COL14A1: variants seen among roughly 807,000 people sequenced by gnomAD.
The protein encoded by COL14A1 is collagen alpha-1(XIV) chain.
COL14A1 carries 136 observed loss-of-function variants against 230.3 expected under a neutral mutation model. The observed-to-expected ratio is 0.59, with a 90% CI of 0.51 to 0.68. The LOEUF is 0.68. Ranked by LOEUF, COL14A1 falls within the 30% of genes least tolerant of loss-of-function variation. COL14A1 has a pLI of 0.00. For synonymous variants in COL14A1, 792 were observed against 784.1 expected, an observed-to-expected ratio of 1.01 and a Z score of -0.17; for missense variants, 1,976 against 2,215.8, an observed-to-expected ratio of 0.89 and a Z score of 2.17.
At chr8:120,343,529 A>G (rs1822388286) in intron 44 of COL14A1, among the ~76,000 whole-genome samples, 2 of 152,232 alleles carry the variant, frequency 1.3e-5, no homozygotes, top group Non-Finnish European at 2.9e-5. Context: ...CATGGAGTTG[A>G]GATCTGCACA....
chr8:120,291,180 C>A (rs1820363274), intron 34 of COL14A1, among the ~76,000 whole-genome samples: 1 of 152,098 alleles, frequency 6.6e-6, no homozygotes, highest in Non-Finnish European at 1.5e-5. Flanking sequence ...TATAAAAACA[C>A]AGAATTATCA....
chr8:120,232,705 G>T (rs569241933), intron 19 of COL14A1, among the ~76,000 whole-genome samples: 18 of 152,322 alleles, frequency 1.2e-4, no homozygotes, highest in Admixed American at 9.8e-4. Context: ...CTTTGCTATT[G>T]TGAGTAGTGC....
chr8:120,242,276 C>A (rs1818627849), intron 19 of COL14A1, among the ~76,000 whole-genome samples: 1 of 152,210 alleles, frequency 6.6e-6, no homozygotes, highest in South Asian at 2.1e-4. Flanking sequence ...CAGCACCTGG[C>A]ACATAGTAAT....
At chr8:120,318,456 A>G (rs1450279640) in intron 40 of COL14A1, among the ~76,000 whole-genome samples, 1 of 152,144 alleles carries the variant, frequency 6.6e-6, no homozygotes, top group Non-Finnish European at 1.5e-5. Context: ...GGTGGCTCTG[A>G]TCTGTTCAGT....
Position 120,249,240 on chromosome 8 carries a change from A to G in COL14A1, c.2603-1377A>G, listed in dbSNP as rs946898208. On this transcript the variant is annotated intron_variant, in intron 21 of 47. Coordinates refer to ENST00000297848, the MANE Select transcript of COL14A1 (RefSeq NM_021110.4). ...GCCTAGTTTCAATCTTTCATCTGAG[A>G]TATGGTTCTCGCCCCATATCAATTT... Among the ~76,000 whole-genome samples the G allele has an allele frequency of 4.6e-5, 7 of 151,738 alleles. No individual in the cohort carries two copies. The East Asian group carries it at 1.2e-3, about 25-fold the overall frequency.
At chr8:120,362,237 C>A (rs1204167749) in intron 45 of COL14A1, among the ~76,000 whole-genome samples, 1 of 152,154 alleles carries the variant, frequency 6.6e-6, no homozygotes, top group Non-Finnish European at 1.5e-5. Flanking sequence ...AAGTGAGTTA[C>A]CCTCTCAGGA....
At chr8:120,231,001 G>A (rs763974564) in intron 18 of COL14A1, among the ~76,000 whole-genome samples, 1 of 152,188 alleles carries the variant, frequency 6.6e-6, no homozygotes, top group Non-Finnish European at 1.5e-5. Flanking sequence ...TGCTTTGAAT[G>A]ACAGGTGTTA....
intron 4 of COL14A1, among the ~76,000 whole-genome samples, chr8:120,163,911 G>A (rs1481670242): frequency 6.6e-6 from 1 of 151,770 alleles, no homozygotes; most frequent in Non-Finnish European, 1.5e-5. Context: ...CTAGGCACTT[G>A]GGCACATGAC....
At chr8:120,173,587 C>CTATCTATCTATCTATCTATCTATCT (rs1554601696) in intron 5 of COL14A1, among the ~76,000 whole-genome samples, 2 of 148,986 alleles carry the variant, frequency 1.3e-5, no homozygotes, top group Admixed American at 1.3e-4. Context: ...ATCTATCTAT[C>CTATCTATCTATCTATCTATCTATCT]ATTTATCATC....
At chr8:120,297,437 T>C in intron 34 of COL14A1, 74 bp from the exon 35 acceptor site, 1 of 730,566 alleles carries the variant, frequency 1.4e-6, no homozygotes, top group African/African-American at 1.9e-5. Flanking sequence ...TGTTATATAA[T>C]ACATAACATA....
At chr8:120,132,916 C>T (rs558862676) in intron 1 of COL14A1, among the ~76,000 whole-genome samples, 2 of 151,906 alleles carry the variant, frequency 1.3e-5, no homozygotes, top group African/African-American at 4.8e-5. Flanking sequence ...ATAAAAATAC[C>T]GTGCTATTAT....
rs1409698337 is a variant in COL14A1, at chr8:120,227,129, T to G, written c.2005-91T>G. 2.8e-6 allele frequency: 4 copies of G among 1,435,736 alleles called. No individual in the cohort carries two copies. The African/African-American group carries it at 5.7e-5, about 20-fold the overall frequency. The allele number at this position is 1,435,736 out of a possible 1,614,324, so 88.9% of individuals were successfully genotyped here. On this transcript the variant is annotated intron_variant, in intron 16 of 47. Transcript: ENST00000297848. The stretch of plus-strand genomic sequence containing the variant: ...TCGACAGCCTTGGAGTTCTTTATGA[T>G]TGGTTGTTTCTTGCTTATGCTCAGA...
rs78787513 is a variant in COL14A1, at chr8:120,147,818, C to T, written c.-25C>T. Reference sequence around the variant, plus strand: ...TCTCTGTTTCTAGGTGGCTGCTACACCCCATGTAAAAAGCGGAAAATAAAA... The same window carrying T: ...TCTCTGTTTCTAGGTGGCTGCTACATCCCATGTAAAAAGCGGAAAATAAAA... On this transcript the variant is annotated 5_prime_UTR_variant, in exon 2 of 48. Transcript: ENST00000297848. The T allele has an allele frequency of 9.4e-4, 1,486 of 1,587,112 alleles. 7 individuals carry two copies. In the African/African-American group the frequency reaches 0.018, roughly 19 times the overall value.
At chr8:120,306,343 T>G in intron 36 of COL14A1, among the ~76,000 whole-genome samples, 1 of 151,994 alleles carries the variant, frequency 6.6e-6, no homozygotes, top group East Asian at 1.9e-4. Context: ...AAGGGAAGGG[T>G]TGAGCTTTGA....
At chr8:120,176,816 T>C (rs1026196124) in intron 5 of COL14A1, among the ~76,000 whole-genome samples, 1 of 152,198 alleles carries the variant, frequency 6.6e-6, no homozygotes, top group South Asian at 2.1e-4. Context: ...TTAGTGCTTC[T>C]TCCTCTTCTT....
intron 22 of COL14A1, among the ~76,000 whole-genome samples, chr8:120,251,474 C>G (rs978535799): frequency 6.6e-6 from 1 of 152,158 alleles, no homozygotes; most frequent in African/African-American, 2.4e-5. Flanking sequence ...ATTCTCAGCA[C>G]TTCCTTCTCT....
intron 34 of COL14A1, among the ~76,000 whole-genome samples, chr8:120,290,507 A>G (rs1348093022): frequency 6.6e-6 from 1 of 152,202 alleles, no homozygotes; most frequent in African/African-American, 2.4e-5. Context: ...TTATTCTTGT[A>G]AACAATCCCA....
intron 21 of COL14A1, among the ~76,000 whole-genome samples, chr8:120,250,107 G>T (rs1162106475): frequency 6.6e-6 from 1 of 152,156 alleles, no homozygotes; most frequent in African/African-American, 2.4e-5. Context: ...TGGAATAAGA[G>T]CATAATCTGT....
At chr8:120,278,630 T>A in intron 28 of COL14A1, 52 bp downstream of exon 28, 1 of 1,545,170 alleles carries the variant, frequency 6.5e-7, no homozygotes, top group South Asian at 1.2e-5. Context: ...GAATTGTTAT[T>A]TTCTAAATAC....
Sources: allele counts gnomAD v4.1 joint callset (sites outside exome capture counted in the v4.1 genomes callset), GRCh38; gene constraint gnomAD v4.1.1; transcripts MANE v1.5; gene names NCBI Gene and HGNC (gene_info 2026-07-23, HGNC 2026-07-21).